The following SNTG1 variants were observed in gnomAD, a reference collection of about 807,000 sequenced individuals.
The protein encoded by SNTG1 is gamma-1-syntrophin.
A neutral mutation model predicts 74.7 loss-of-function variants in SNTG1; 39 were observed. That is an observed-to-expected ratio of 0.52 (90% CI 0.40 to 0.68). SNTG1 has a LOEUF of 0.68. Ranked by LOEUF, SNTG1 falls within the 30% of genes least tolerant of loss-of-function variation. The pLI, the probability that SNTG1 is intolerant of heterozygous loss-of-function variation, is 0.00. For missense variants in SNTG1, 685 were observed against 609.5 expected (o/e 1.12, Z -1.30); for synonymous variants, 254 against 217.1 (o/e 1.17, Z -1.49).
At chr8:50,282,485 A>G (rs2088521317) in intron 2 of SNTG1, among the ~76,000 whole-genome samples, 1 of 152,220 alleles carries the variant, frequency 6.6e-6, no homozygotes, top group Admixed American at 6.6e-5. Context: ...TACTCAATTT[A>G]TAAGGCCAGG....
At chr8:50,146,116 A>C (rs183470182) in intron 1 of SNTG1, among the ~76,000 whole-genome samples, 2 of 152,212 alleles carry the variant, frequency 1.3e-5, no homozygotes, top group Non-Finnish European at 2.9e-5. Context: ...TATGAGGATA[A>C]GGAAATATTT....
chr8:50,131,922 G>C (rs1041323259), intron 1 of SNTG1, among the ~76,000 whole-genome samples: 1 of 151,934 alleles, frequency 6.6e-6, no homozygotes, highest in Non-Finnish European at 1.5e-5. Flanking sequence ...GTTTTGATTT[G>C]CATTTCTCTG....
intron 1 of SNTG1, among the ~76,000 whole-genome samples, chr8:50,061,327 C>T (rs1003770217): frequency 6.6e-6 from 1 of 151,878 alleles, no homozygotes. Flanking sequence ...TATAGTGTTC[C>T]ACAATTACCT....
chr8:50,650,468 G>T (rs1218289863), intron 13 of SNTG1, among the ~76,000 whole-genome samples: 1 of 152,014 alleles, frequency 6.6e-6, no homozygotes, highest in Non-Finnish European at 1.5e-5. Flanking sequence ...ATTAAGTTGG[G>T]ACTGATCACC....
intron 2 of SNTG1, among the ~76,000 whole-genome samples, chr8:50,177,343 G>T (rs1015432807): frequency 6.6e-6 from 1 of 152,046 alleles, no homozygotes; most frequent in African/African-American, 2.4e-5. Context: ...TTGCCTTCAG[G>T]CTGGATTACT....
chr8:50,635,328 C>T (rs1032726776), intron 13 of SNTG1, among the ~76,000 whole-genome samples: 2 of 152,118 alleles, frequency 1.3e-5, no homozygotes, highest in African/African-American at 4.8e-5. Context: ...TAGCACTCTA[C>T]AATCAGTAGG....
chr8:50,067,738 G>A (rs1328907492), intron 1 of SNTG1, among the ~76,000 whole-genome samples: 4 of 152,128 alleles, frequency 2.6e-5, no homozygotes, highest in African/African-American at 9.7e-5. Flanking sequence ...GATGTCTTCA[G>A]CATGAGCTCT....
At chr8:50,348,700 T>A (rs2091557186) in intron 2 of SNTG1, among the ~76,000 whole-genome samples, 1 of 152,196 alleles carries the variant, frequency 6.6e-6, no homozygotes, top group South Asian at 2.1e-4. Flanking sequence ...TGACCCATAA[T>A]GAATGTGACA....
At chr8:50,372,645 C>T (rs1246646125) in intron 2 of SNTG1, among the ~76,000 whole-genome samples, 4 of 151,876 alleles carry the variant, frequency 2.6e-5, no homozygotes, top group Non-Finnish European at 5.9e-5. Context: ...TTGAGAAGCT[C>T]TGGGGATTCC....
rs142574844 is a variant in SNTG1, at chr8:50,111,319, C to T, written c.-102-61242C>T. Reference sequence around the variant, plus strand: ...TGGAGGACTCTAAGGAGGTAGTTTACGTTGAAGGACGTCATAAGGTGGGGG... The same window carrying T: ...TGGAGGACTCTAAGGAGGTAGTTTATGTTGAAGGACGTCATAAGGTGGGGG... On this transcript the variant is annotated intron_variant, in intron 1 of 18. Transcript: ENST00000642720. Among the ~76,000 whole-genome samples the T allele has an allele frequency of 4.9e-3, 746 of 152,196 alleles. 5 individuals carry two copies. The highest frequency in any genetic ancestry group is 7.9e-3 in the South Asian group (38 of 4,812).
intron 12 of SNTG1, among the ~76,000 whole-genome samples, chr8:50,562,775 C>A (rs1313371890): frequency 6.6e-6 from 1 of 152,098 alleles, no homozygotes; most frequent in East Asian, 1.9e-4. Context: ...TTCAGAATAA[C>A]CATAAAATGT....
chr8:50,588,441 A>G (rs1223108844), intron 12 of SNTG1, among the ~76,000 whole-genome samples: 1 of 152,104 alleles, frequency 6.6e-6, no homozygotes, highest in Non-Finnish European at 1.5e-5. Flanking sequence ...CATTTTGGTT[A>G]CCCGCCTTCC....
chr8:50,233,604 G>C (rs1231217371), intron 2 of SNTG1, among the ~76,000 whole-genome samples: 1 of 151,292 alleles, frequency 6.6e-6, no homozygotes, highest in Non-Finnish European at 1.5e-5. Flanking sequence ...ATTCTGTTAA[G>C]AAGATGAAAG....
intron 2 of SNTG1, among the ~76,000 whole-genome samples, chr8:50,327,878 C>T (rs1432317886): frequency 1.3e-5 from 2 of 152,048 alleles, no homozygotes; most frequent in African/African-American, 4.8e-5. Flanking sequence ...TACATTTACA[C>T]TGAATCTAAA....
At chr8:50,038,963 T>C (rs1010672800) in intron 1 of SNTG1, among the ~76,000 whole-genome samples, 1 of 152,196 alleles carries the variant, frequency 6.6e-6, no homozygotes, top group African/African-American at 2.4e-5. Context: ...TCATCCGTGG[T>C]GGTGTACCCT....
At chr8:50,150,558 G>C (rs1205977065) in intron 1 of SNTG1, among the ~76,000 whole-genome samples, 1 of 152,118 alleles carries the variant, frequency 6.6e-6, no homozygotes, top group Non-Finnish European at 1.5e-5. Context: ...ATTATTTTGA[G>C]ATACGTCCCA....
chr8:49,915,271 G>A (rs114487119), intron 1 of SNTG1, among the ~76,000 whole-genome samples: 161 of 152,198 alleles, frequency 1.1e-3, no homozygotes, highest in African/African-American at 3.3e-3. Context: ...CTGGAAAGTC[G>A]AAATTCAATG....
chr8:50,630,667 C>A (rs900169165), intron 13 of SNTG1, among the ~76,000 whole-genome samples: 1 of 152,148 alleles, frequency 6.6e-6, no homozygotes, highest in Non-Finnish European at 1.5e-5. Flanking sequence ...ATGTCAGTCA[C>A]CTGCACCTAG....
chr8:50,527,742 C>T (rs767566778), intron 9 of SNTG1, among the ~76,000 whole-genome samples: 7 of 151,942 alleles, frequency 4.6e-5, no homozygotes, highest in Admixed American at 3.3e-4. Context: ...TTTCAGAAAT[C>T]GCATGCCAAT....
Sources: gnomAD v4.1 joint callset for allele counts (sites outside exome capture counted in the v4.1 genomes callset) on GRCh38, gnomAD v4.1.1 for gene constraint, MANE v1.5 for transcripts, NCBI Gene and HGNC (gene_info 2026-07-23, HGNC 2026-07-21) for gene names.